Variants in PDE1C observed in about 807,000 individuals in gnomAD.
PDE1C encodes phosphodiesterase 1C, also known as dual specificity calcium/calmodulin-dependent 3',5'-cyclic nucleotide phosphodiesterase 1C.
PDE1C carries 62 observed loss-of-function variants against 93.1 expected under a neutral mutation model. The ratio of observed to expected loss-of-function variants is 0.67; its 90% confidence interval spans 0.54 to 0.82. The LOEUF (loss-of-function observed/expected upper bound fraction) is 0.82, where lower values mean the gene tolerates loss of function less well. PDE1C is among the 40% of genes least tolerant of loss of function. The pLI, the probability that PDE1C is intolerant of heterozygous loss-of-function variation, is 0.00. For synonymous variants in PDE1C, 325 were observed against 310.1 expected, an observed-to-expected ratio of 1.05 and a Z score of -0.50; for missense variants, 742 against 884.6, an observed-to-expected ratio of 0.84 and a Z score of 2.04.
At chr7:31,729,599 C>A in the PDE1C span, among the ~76,000 whole-genome samples, 1 of 152,202 alleles carries the variant, frequency 6.6e-6, no homozygotes, top group Non-Finnish European at 1.5e-5. Flanking sequence ...GGAAGAGCCA[C>A]TCACATCAAG....
At chr7:31,967,853 A>C (rs191682275) in intron 2 of PDE1C, among the ~76,000 whole-genome samples, 50 of 152,368 alleles carry the variant, frequency 3.3e-4, no homozygotes, top group African/African-American at 1.2e-3. Flanking sequence ...ACCAAAGACA[A>C]AAACCACATT....
At chr7:31,917,627 C>T (rs760958013) in intron 2 of PDE1C, among the ~76,000 whole-genome samples, 1 of 151,934 alleles carries the variant, frequency 6.6e-6, no homozygotes, top group South Asian at 2.1e-4. Context: ...ACTGAACTAA[C>T]AAGAGAAACA....
At chr7:32,240,606 G>T (rs938281245) in intron 1 of PDE1C, among the ~76,000 whole-genome samples, 12 of 152,144 alleles carry the variant, frequency 7.9e-5, no homozygotes, top group African/African-American at 2.4e-4. Context: ...AGGGAGGAGA[G>T]ACAGTAAGGG....
chr7:31,904,127 C>T (rs1337007664), intron 2 of PDE1C, among the ~76,000 whole-genome samples: 2 of 152,054 alleles, frequency 1.3e-5, no homozygotes, highest in Admixed American at 6.6e-5. Flanking sequence ...ACTAATCATC[C>T]TTATCCACAA....
rs1798405126 is a variant in PDE1C at position 32,107,758 on chromosome 7, T to C, written c.308+62027A>G. On this transcript the variant is annotated intron_variant, in intron 3 of 18. Transcript: ENST00000396193. ...AATAAATGAAGACGAGATAAAATCTTTTTTCTTAATTATCAAATAAAAGTT... is the reference window on the plus strand; with the variant it reads ...AATAAATGAAGACGAGATAAAATCTCTTTTCTTAATTATCAAATAAAAGTT... Among the ~76,000 whole-genome samples, 4 of 152,262 alleles carry C rather than the reference T, an allele frequency of 2.6e-5. No individual in the cohort carries two copies. The South Asian group carries it at 8.3e-4, about 32-fold the overall frequency.
intron 2 of PDE1C, among the ~76,000 whole-genome samples, chr7:32,185,473 A>G (rs1803791978): frequency 2.0e-5 from 3 of 152,136 alleles, no homozygotes; most frequent in Admixed American, 2.0e-4. Flanking sequence ...AATTGCCTAT[A>G]AAACTCTTGG....
chr7:31,855,478 T>C (rs899895187), intron 7 of PDE1C, among the ~76,000 whole-genome samples: 5 of 152,142 alleles, frequency 3.3e-5, no homozygotes, highest in African/African-American at 1.2e-4. Context: ...ATCTCTTTTA[T>C]AATCCAATGT....
chr7:31,849,858 G>A (rs2128799533), intron 8 of PDE1C, among the ~76,000 whole-genome samples: 1 of 152,244 alleles, frequency 6.6e-6, no homozygotes, highest in African/African-American at 2.4e-5. Context: ...GAGAGGGCAA[G>A]GAAAGTTTTA....
chr7:31,738,211 T>C, the PDE1C span, among the ~76,000 whole-genome samples: 2 of 152,270 alleles, frequency 1.3e-5, no homozygotes, highest in Admixed American at 1.3e-4. Context: ...CCAATCTCAA[T>C]GGAATCAGGG....
At chr7:32,108,228 G>GAAAAAAAAAAAAAAAA (rs1437687888) in intron 3 of PDE1C, among the ~76,000 whole-genome samples, 1 of 9,994 alleles carries the variant, frequency 1.0e-4, no homozygotes, top group Non-Finnish European at 2.0e-4. Context: ...AAAAAAGCAA[G>GAAAAAAAAAAAAAAAA]ACAAAAAAAA....
chr7:32,047,062 AGT>A (rs59580872), intron 2 of PDE1C, among the ~76,000 whole-genome samples: 2,103 of 145,890 alleles, frequency 0.014, 19 homozygotes, highest in East Asian at 0.017. Context: ...TGCGAGACAG[AGT>A]GTGTGTGTGT....
intron 1 of PDE1C, among the ~76,000 whole-genome samples, chr7:32,236,801 G>C (rs924057821): frequency 1.1e-4 from 17 of 152,076 alleles, no homozygotes; most frequent in African/African-American, 4.1e-4. Context: ...TTATCCTAAA[G>C]AAATGAAAAT....
At chr7:31,824,784 C>T in intron 13 of PDE1C, 83 bp downstream of exon 13, 4 of 1,535,762 alleles carry the variant, frequency 2.6e-6, no homozygotes, top group African/African-American at 1.4e-5. Flanking sequence ...TTATGAAATA[C>T]CATCCCCATC....
chr7:31,751,831 A>C lies in PDE1C; in HGVS notation c.*1553T>G, dbSNP rs2128592277. ...ACTTGAATAACTGCAGTTTATTGGA[A>C]ATGAACTGCAGGGAATGAGAGAAGG... On this transcript the variant is annotated 3_prime_UTR_variant, in exon 18 of 18. Transcript: ENST00000396191. The C allele has an allele frequency of 6.6e-6, 1 of 152,310 alleles. No homozygotes were observed. The highest frequency in any genetic ancestry group is 2.1e-4 in the South Asian group (1 of 4,824). 9.4% of individuals were successfully genotyped at this position (152,310 alleles called of 1,614,324 possible).
chr7:31,666,890 A>G, the PDE1C span, among the ~76,000 whole-genome samples: 6 of 152,162 alleles, frequency 3.9e-5, no homozygotes, highest in African/African-American at 1.4e-4. Flanking sequence ...GTCATTTAAC[A>G]GTGTCTTTTA....
At chr7:31,901,218 A>C (rs1230734940) in intron 2 of PDE1C, among the ~76,000 whole-genome samples, 1 of 151,648 alleles carries the variant, frequency 6.6e-6, no homozygotes, top group Non-Finnish European at 1.5e-5. Flanking sequence ...AATTGAACAA[A>C]AATTTCATTA....
intron 1 of PDE1C, among the ~76,000 whole-genome samples, chr7:32,241,479 G>A (rs1472029271): frequency 1.1e-4 from 17 of 152,142 alleles, no homozygotes. Context: ...CCTGACAAAA[G>A]CAATGCCATT....
At chr7:31,828,217 C>G in intron 12 of PDE1C, 75 bp downstream of exon 12, 2 of 1,183,940 alleles carry the variant, frequency 1.7e-6, no homozygotes, top group Admixed American at 3.6e-5. Context: ...GCCAAAGAAC[C>G]ACTGGGATCA....
the PDE1C span, chr7:31,692,333 A>G: frequency 2.2e-6 from 2 of 905,494 alleles, no homozygotes; most frequent in Non-Finnish European, 1.7e-6. Flanking sequence ...CAACAAATAT[A>G]TTTACTTAGC....
Sources: allele counts gnomAD v4.1 joint callset (sites outside exome capture counted in the v4.1 genomes callset), GRCh38; gene constraint gnomAD v4.1.1; transcripts MANE v1.5; gene names NCBI Gene and HGNC (gene_info 2026-07-23, HGNC 2026-07-21).